AGBL4: variants seen among roughly 807,000 people sequenced by gnomAD.
AGBL4 encodes the protein cytosolic carboxypeptidase 6.
Under a neutral mutation model 66.4 loss-of-function variants are expected in AGBL4, and 58 were observed. The ratio of observed to expected loss-of-function variants is 0.87; its 90% CI spans 0.71 to 1.09. The LOEUF is 1.09. Ranked by LOEUF, AGBL4 falls within the 50% of genes least tolerant of loss-of-function variation. AGBL4 has a pLI of 0.00. For missense variants in AGBL4, 579 were observed against 631.0 expected, an observed-to-expected ratio of 0.92 and a Z score of 0.88; for synonymous variants, 234 against 222.9, an observed-to-expected ratio of 1.05 and a Z score of -0.44.
At chr1:49,399,623 T>G (rs1577969) in intron 3 of AGBL4, among the ~76,000 whole-genome samples, 103,881 of 151,998 alleles carry the variant, frequency 0.68, 36,220 homozygotes, top group African/African-American at 0.78. Flanking sequence ...TCATATAACT[T>G]TTTTCCACTT....
chr1:49,520,001 T>C (rs1014315253), intron 3 of AGBL4, among the ~76,000 whole-genome samples: 2 of 152,076 alleles, frequency 1.3e-5, no homozygotes, highest in African/African-American at 4.8e-5. Flanking sequence ...TTTAAAAATA[T>C]AGATGGAGAA....
intron 6 of AGBL4, among the ~76,000 whole-genome samples, chr1:48,666,366 A>ACT (rs1466567166): frequency 2.0e-5 from 3 of 152,186 alleles, no homozygotes; most frequent in Non-Finnish European, 4.4e-5. Context: ...GAGACCAAGA[A>ACT]CAACTCATAA....
At chr1:48,641,253 A>G (rs1219183323) in intron 8 of AGBL4, among the ~76,000 whole-genome samples, 1 of 152,214 alleles carries the variant, frequency 6.6e-6, no homozygotes, top group Non-Finnish European at 1.5e-5. Flanking sequence ...GCCATGTCAG[A>G]ATGCCAGATA....
chr1:48,692,164 T>G (rs935269659), intron 6 of AGBL4, among the ~76,000 whole-genome samples: 74 of 152,188 alleles, frequency 4.9e-4, no homozygotes, highest in African/African-American at 1.6e-3. Flanking sequence ...AGAGAGGAAG[T>G]AGAGATACAG....
chr1:49,416,442 T>C (rs1645427390), intron 3 of AGBL4, among the ~76,000 whole-genome samples: 1 of 152,152 alleles, frequency 6.6e-6, no homozygotes, highest in Non-Finnish European at 1.5e-5. Context: ...GGTATATTCT[T>C]CATATCTTGG....
intron 3 of AGBL4, among the ~76,000 whole-genome samples, chr1:49,605,286 A>G (rs74078150): frequency 0.022 from 3,378 of 152,228 alleles, 107 homozygotes; most frequent in African/African-American, 0.073. Flanking sequence ...AGGAGCGGGT[A>G]GGTTGAATTT....
At chr1:48,699,374 G>A (rs552484518) in intron 6 of AGBL4, among the ~76,000 whole-genome samples, 9 of 152,228 alleles carry the variant, frequency 5.9e-5, no homozygotes, top group South Asian at 2.1e-4. Context: ...ATTAATTATC[G>A]TTTGAATATT....
chr1:49,572,169 G>C (rs569108400), intron 3 of AGBL4, among the ~76,000 whole-genome samples: 14 of 152,102 alleles, frequency 9.2e-5, no homozygotes, highest in African/African-American at 2.9e-4. Flanking sequence ...TTGTATGTTT[G>C]GTAGCATTCA....
At chr1:49,626,497 T>G (rs1470969660) in intron 3 of AGBL4, among the ~76,000 whole-genome samples, 1 of 152,190 alleles carries the variant, frequency 6.6e-6, no homozygotes, top group Non-Finnish European at 1.5e-5. Flanking sequence ...TGACTCTTCC[T>G]GGATGAAAAG....
At chr1:49,525,262 G>T (rs1459357687) in intron 3 of AGBL4, among the ~76,000 whole-genome samples, 1 of 151,770 alleles carries the variant, frequency 6.6e-6, no homozygotes, top group African/African-American at 2.4e-5. Flanking sequence ...GATAATAGCA[G>T]GAATTATAAA....
At chr1:48,917,723 G>GA (rs374542664) in intron 5 of AGBL4, among the ~76,000 whole-genome samples, 1 of 152,192 alleles carries the variant, frequency 6.6e-6, no homozygotes, top group Non-Finnish European at 1.5e-5. Context: ...TTTTGTATAT[G>GA]AAAAAATTGG....
At chr1:49,535,099 T>A (rs905637724) in intron 3 of AGBL4, among the ~76,000 whole-genome samples, 1 of 152,116 alleles carries the variant, frequency 6.6e-6, no homozygotes, top group Non-Finnish European at 1.5e-5. Flanking sequence ...TGACAGTATG[T>A]ACATGAAACA....
intron 6 of AGBL4, among the ~76,000 whole-genome samples, chr1:48,865,899 T>C (rs181670523): frequency 2.0e-5 from 3 of 152,306 alleles, no homozygotes; most frequent in Admixed American, 1.3e-4. Flanking sequence ...TGGTAGGTCA[T>C]ACAAGTGAGC....
chr1:49,896,229 T>C (rs961843888), intron 1 of AGBL4, among the ~76,000 whole-genome samples: 7 of 151,990 alleles, frequency 4.6e-5, no homozygotes, highest in African/African-American at 1.7e-4. Flanking sequence ...AACCCAGATA[T>C]ATAAAGCAAA....
chr1:49,108,992 T>G (rs1379603849), intron 4 of AGBL4, among the ~76,000 whole-genome samples: 1 of 152,080 alleles, frequency 6.6e-6, no homozygotes, highest in African/African-American at 2.4e-5. Context: ...ACCTGAAAAA[T>G]GAGGGGGTTG....
chr1:49,461,571 A>C (rs973126497), intron 3 of AGBL4, among the ~76,000 whole-genome samples: 1 of 150,784 alleles, frequency 6.6e-6, no homozygotes, highest in Non-Finnish European at 1.5e-5. Flanking sequence ...TATACCCATC[A>C]ACTCTTCATT....
At chr1:49,127,884 G>A (rs1482272932) in intron 4 of AGBL4, among the ~76,000 whole-genome samples, 1 of 151,920 alleles carries the variant, frequency 6.6e-6, no homozygotes, top group Non-Finnish European at 1.5e-5. Flanking sequence ...AACCAAAGAC[G>A]ACAAAATACA....
At chr1:49,274,341 T>TA (rs993833734) in intron 3 of AGBL4, among the ~76,000 whole-genome samples, 3 of 152,146 alleles carry the variant, frequency 2.0e-5, no homozygotes, top group Admixed American at 1.3e-4. Context: ...TATAATCATA[T>TA]AAAAAATTGT....
At chr1:48,661,746 C>A (rs1646110948) in intron 7 of AGBL4, among the ~76,000 whole-genome samples, 1 of 152,194 alleles carries the variant, frequency 6.6e-6, no homozygotes, top group African/African-American at 2.4e-5. Flanking sequence ...GGGGTTTGGG[C>A]TCCCAGAGAT....
Sources: gnomAD v4.1 joint callset for allele counts (sites outside exome capture counted in the v4.1 genomes callset) on GRCh38, gnomAD v4.1.1 for gene constraint, MANE v1.5 for transcripts, NCBI Gene and HGNC (gene_info 2026-07-23, HGNC 2026-07-21) for gene names.